The following FAR2 variants were observed in gnomAD, a reference collection of about 807,000 sequenced individuals.
FAR2 encodes fatty acyl-CoA reductase 2, also known as epididymis secretory protein Li 81.
Under a neutral mutation model 56.0 loss-of-function variants are expected in FAR2, and 19 were observed. The observed-to-expected ratio is 0.34, with a 90% CI of 0.24 to 0.50. The LOEUF is 0.50. FAR2 is among the 20% of genes least tolerant of loss of function. The pLI, the probability that FAR2 is intolerant of heterozygous loss-of-function variation, is 0.98. For missense variants in FAR2, 508 were observed against 642.2 expected (o/e 0.79, Z 2.26); for synonymous variants, 219 against 218.8 (o/e 1.00, Z -0.01).
intron 1 of FAR2, among the ~76,000 whole-genome samples, chr12:29,244,711 T>C (rs768990226): frequency 2.0e-5 from 3 of 152,196 alleles, no homozygotes; most frequent in Non-Finnish European, 4.4e-5. Context: ...CCCAAGCATA[T>C]GATATGAAAT....
chr12:29,157,106 TTATATATATATATATATATATATATATA>T (rs5797307), intron 1 of FAR2: 2 of 73,458 alleles, frequency 2.7e-5, no homozygotes, highest in Non-Finnish European at 4.9e-5. Flanking sequence ...AAAGAACATT[TTATATATATATATATATATATATATATA>T]TATATATATA....
chr12:29,225,873 G>A (rs1451028237), intron 1 of FAR2, among the ~76,000 whole-genome samples: 1 of 152,166 alleles, frequency 6.6e-6, no homozygotes, highest in East Asian at 1.9e-4. Flanking sequence ...TAACACACAT[G>A]TGAAGGTGAA....
In FAR2 at chr12:29,300,366, C is replaced by T. The variant is rs750092629; in HGVS notation, c.545+3166C>T. On this transcript the variant is annotated intron_variant, in intron 4 of 11. Transcript: ENST00000536681. ...CCCTCACCAACTATACCATGATCTA[C>T]GACTATTTCAACGACTCCTATACCA... Among the ~76,000 whole-genome samples the T allele has an allele frequency of 3.4e-4, 51 of 152,128 alleles. 1 individual carries two copies. Among genetic ancestry groups the T allele is most frequent in the Admixed American group, 1.1e-3 (17 of 15,270 alleles).
At chr12:29,217,607 C>A (rs1042720503) in intron 1 of FAR2, among the ~76,000 whole-genome samples, 1 of 152,142 alleles carries the variant, frequency 6.6e-6, no homozygotes, top group Non-Finnish European at 1.5e-5. Flanking sequence ...CTGGAACTTA[C>A]CAAAATTTAA....
intron 1 of FAR2, among the ~76,000 whole-genome samples, chr12:29,172,443 T>G (rs1417044253): frequency 6.6e-6 from 1 of 152,228 alleles, no homozygotes. Flanking sequence ...TACCCGGTGA[T>G]TGGCCTGCTC....
chr12:29,264,730 G>C (rs1948484690), intron 1 of FAR2, among the ~76,000 whole-genome samples: 1 of 151,758 alleles, frequency 6.6e-6, no homozygotes, highest in Non-Finnish European at 1.5e-5. Context: ...AAAGGAAGAA[G>C]TTAAATCAGC....
chr12:29,314,929 C>G (rs889228633), intron 8 of FAR2, among the ~76,000 whole-genome samples: 8 of 152,088 alleles, frequency 5.3e-5, no homozygotes, highest in African/African-American at 1.9e-4. Context: ...GCTATTTATT[C>G]ATTCATTTAC....
chr12:29,285,851 G>A (rs1023909369), intron 2 of FAR2, among the ~76,000 whole-genome samples: 1 of 149,928 alleles, frequency 6.7e-6, no homozygotes, highest in Admixed American at 6.6e-5. Context: ...CCTGGGAGGT[G>A]GAGGTTGGAG....
rs1273647758 is a variant in FAR2 at position 29,311,482 on chromosome 12, A to AT, written c.887+345dup. Among the ~76,000 whole-genome samples, 3 of 151,670 alleles carry AT rather than the reference A, an allele frequency of 2.0e-5. No individual in the cohort carries two copies. The South Asian group carries it at 6.2e-4, about 32-fold the overall frequency. On this transcript the variant is annotated intron_variant, in intron 7 of 11. Transcript: ENST00000536681. ...AGATAGAAGCTGATGAAATGACAGAATTTTTTTTTAATTGAACTCTGGTAA... is the reference window on the plus strand; with the variant it reads ...AGATAGAAGCTGATGAAATGACAGAATTTTTTTTTTAATTGAACTCTGGTAA...
At chr12:29,201,051 G>A (rs11050119) in intron 1 of FAR2, among the ~76,000 whole-genome samples, 27,421 of 151,994 alleles carry the variant, frequency 0.18, 2,582 homozygotes, top group Non-Finnish European at 0.21. Flanking sequence ...GCCCCCTTGA[G>A]AGGAGTGCTG....
At chr12:29,164,661 C>T (rs1591825490) in intron 1 of FAR2, among the ~76,000 whole-genome samples, 1 of 152,222 alleles carries the variant, frequency 6.6e-6, no homozygotes, top group East Asian at 1.9e-4. Context: ...AAGGGAGCTC[C>T]AGCTCTGAGC....
chr12:29,279,141 G>A (rs1038457706), intron 2 of FAR2, among the ~76,000 whole-genome samples: 18 of 152,182 alleles, frequency 1.2e-4, no homozygotes, highest in African/African-American at 3.9e-4. Context: ...TCCAAGAATC[G>A]TTGAGAATTC....
chr12:29,245,810 T>G (rs1029721703), intron 1 of FAR2, among the ~76,000 whole-genome samples: 1 of 152,162 alleles, frequency 6.6e-6, no homozygotes, highest in African/African-American at 2.4e-5. Flanking sequence ...AGCCATACTT[T>G]GCACTTAGAA....
chr12:29,287,772 C>T (rs12832263), intron 2 of FAR2, among the ~76,000 whole-genome samples: 19,888 of 151,954 alleles, frequency 0.13, 1,391 homozygotes, highest in Middle Eastern at 0.28. Context: ...TTCAATGAGC[C>T]CCAGGAAGTA....
chr12:29,317,337 T>C (rs1335301490), intron 9 of FAR2, among the ~76,000 whole-genome samples: 4 of 152,222 alleles, frequency 2.6e-5, no homozygotes, highest in African/African-American at 9.6e-5. Flanking sequence ...TCTGTGTATA[T>C]GGCTAAGTGT....
At chr12:29,286,270 A>G (rs1203810443) in intron 2 of FAR2, among the ~76,000 whole-genome samples, 1 of 152,120 alleles carries the variant, frequency 6.6e-6, no homozygotes, top group Non-Finnish European at 1.5e-5. Context: ...TTCCTACATC[A>G]CAGATGAGAT....
rs182821082 is a variant in FAR2 at position 29,304,646 on chromosome 12, T to C, written c.546-3012T>C. ...ATTCAGTAAATACATAAATAAACCATTAATGATATAATCATGTTGATTCAA... is the reference window on the plus strand; with the variant it reads ...ATTCAGTAAATACATAAATAAACCACTAATGATATAATCATGTTGATTCAA... On this transcript the variant is annotated intron_variant, in intron 4 of 11. Transcript: ENST00000536681. Among the ~76,000 whole-genome samples, 3 of 152,268 alleles carry C rather than the reference T, an allele frequency of 2.0e-5. No individual in the cohort carries two copies. In the East Asian group the frequency reaches 5.8e-4, roughly 29 times the overall value.
intron 4 of FAR2, among the ~76,000 whole-genome samples, chr12:29,299,830 T>TTC (rs1476744698): frequency 2.0e-5 from 3 of 152,166 alleles, no homozygotes; most frequent in African/African-American, 7.2e-5. Flanking sequence ...TTAGTTCCCC[T>TTC]TCTGCTTCAC....
At chr12:29,191,777 C>T (rs753608604) in intron 1 of FAR2, among the ~76,000 whole-genome samples, 3 of 152,180 alleles carry the variant, frequency 2.0e-5, no homozygotes, top group Admixed American at 6.5e-5. Flanking sequence ...GTGTATGCGG[C>T]TTTGCTTCAG....
Sources: gnomAD v4.1 joint callset for allele counts (sites outside exome capture counted in the v4.1 genomes callset) on GRCh38, gnomAD v4.1.1 for gene constraint, MANE v1.5 for transcripts, NCBI Gene and HGNC (gene_info 2026-07-23, HGNC 2026-07-21) for gene names.